The following FBXO34 variants were observed in gnomAD, a reference collection of about 807,000 sequenced individuals.
FBXO34 encodes F-box only protein 34.
FBXO34 carries 12 observed loss-of-function variants against 24.5 expected under a neutral mutation model. That is an observed-to-expected ratio of 0.49 (90% confidence interval 0.31 to 0.79). The LOEUF is 0.79. FBXO34 is among the 30% of genes least tolerant of loss of function. The probability of loss-of-function intolerance (pLI) is 0.04; values close to 1 mark genes in which losing one functional copy is unlikely to be tolerated. For synonymous variants in FBXO34, 320 were observed against 311.9 expected, an observed-to-expected ratio of 1.03 and a Z score of -0.27; for missense variants, 823 against 857.7, an observed-to-expected ratio of 0.96 and a Z score of 0.51.
At chr14:55,414,365 G>T in the FBXO34 span, 1 of 1,577,358 alleles carries the variant, frequency 6.3e-7, no homozygotes, top group Non-Finnish European at 8.6e-7. Context: ...AATGTGAGAT[G>T]CTGAATGATA....
At chr14:55,311,254 A>C (rs1882729299) in intron 1 of FBXO34, among the ~76,000 whole-genome samples, 1 of 152,216 alleles carries the variant, frequency 6.6e-6, no homozygotes, top group South Asian at 2.1e-4. Context: ...ATCTCGTGAT[A>C]ATTCATTCAC....
the FBXO34 span, chr14:55,440,346 G>A: frequency 6.2e-7 from 1 of 1,609,402 alleles, no homozygotes; most frequent in Admixed American, 1.7e-5. Flanking sequence ...CTTGGCACAG[G>A]ACCGGGCGGG....
chr14:55,346,908 C>T lies in FBXO34; in HGVS notation c.-10-3473C>T, dbSNP rs137962658. Reference sequence around the variant, plus strand: ...TTTTGTTGGGCAGTTCCACCTTACCCGTTAGTAGCCCAGCACCCCAGTCCA... The same window carrying T: ...TTTTGTTGGGCAGTTCCACCTTACCTGTTAGTAGCCCAGCACCCCAGTCCA... On this transcript the variant is annotated intron_variant, in intron 1 of 1. Coordinates refer to ENST00000313833, the MANE Select transcript of FBXO34 (RefSeq NM_017943.4). 1.2e-4 allele frequency among the ~76,000 whole-genome samples: 19 copies of T among 152,248 alleles called. No homozygotes were observed. The East Asian group carries it at 2.9e-3, about 23-fold the overall frequency.
intron 1 of FBXO34, 36 bp from the exon 2 acceptor site, chr14:55,350,345 T>C (rs369596478): frequency 1.5e-5 from 21 of 1,432,714 alleles, no homozygotes; most frequent in African/African-American, 2.9e-5. Flanking sequence ...AAAACAAAAT[T>C]GGTTTCTGAA....
downstream of FBXO34, among the ~76,000 whole-genome samples, chr14:55,371,032 C>T (rs1387514106): frequency 2.0e-5 from 3 of 152,282 alleles, no homozygotes; most frequent in South Asian, 2.1e-4. Flanking sequence ...TAGGCAGCCA[C>T]CCCCACCCAC....
intron 1 of FBXO34, among the ~76,000 whole-genome samples, chr14:55,316,724 CA>C (rs61450097): frequency 1.4e-3 from 176 of 127,218 alleles, no homozygotes; most frequent in South Asian, 3.3e-3. Context: ...AGGAACATCT[CA>C]AAAAAAAAAA....
the FBXO34 span, among the ~76,000 whole-genome samples, chr14:55,439,632 TA>T: frequency 1.6e-5 from 1 of 64,254 alleles, no homozygotes; most frequent in Non-Finnish European, 3.0e-5. Flanking sequence ...CCGTCTCTAC[TA>T]AAAAATACAA....
intron 1 of FBXO34, among the ~76,000 whole-genome samples, chr14:55,278,070 C>G (rs1881403306): frequency 6.6e-6 from 1 of 152,122 alleles, no homozygotes; most frequent in Admixed American, 6.5e-5. Context: ...CAGAAAGCCG[C>G]TACCAGAAGT....
chr14:55,423,302 T>G, the FBXO34 span, among the ~76,000 whole-genome samples: 4 of 152,252 alleles, frequency 2.6e-5, no homozygotes, highest in African/African-American at 7.2e-5. Flanking sequence ...TAAGACCATG[T>G]GATACAGAAC....
chr14:55,362,350 A>T (rs188476803), downstream of FBXO34, among the ~76,000 whole-genome samples: 1 of 152,332 alleles, frequency 6.6e-6, no homozygotes, highest in African/African-American at 2.4e-5. Context: ...ACCATAACAG[A>T]TATAATGAAG....
intron 1 of FBXO34, among the ~76,000 whole-genome samples, chr14:55,279,900 A>G (rs967178353): frequency 6.6e-6 from 1 of 152,218 alleles, no homozygotes; most frequent in Non-Finnish European, 1.5e-5. Flanking sequence ...ACTGAGTAGC[A>G]AATAGCATTA....
At chr14:55,382,018 C>T in the FBXO34 span, 4 of 1,614,160 alleles carry the variant, frequency 2.5e-6, no homozygotes, top group Non-Finnish European at 3.4e-6. Flanking sequence ...AGAGTAGTCC[C>T]CATTGTTAGG....
chr14:55,307,304 T>A (rs1032218735), intron 1 of FBXO34, among the ~76,000 whole-genome samples: 1 of 152,220 alleles, frequency 6.6e-6, no homozygotes, highest in African/African-American at 2.4e-5. Context: ...GTTTTTCTAG[T>A]CAACTAAAAT....
At chr14:55,371,574 C>T (rs182402934), downstream of FBXO34, among the ~76,000 whole-genome samples, 131 of 151,742 alleles carry the variant, frequency 8.6e-4, no homozygotes, top group Non-Finnish European at 1.8e-3. Flanking sequence ...TGGGAGGCTG[C>T]GGCGGGCAGA....
At chr14:55,287,915 A>G (rs1174087716) in intron 1 of FBXO34, among the ~76,000 whole-genome samples, 2 of 152,198 alleles carry the variant, frequency 1.3e-5, no homozygotes, top group African/African-American at 4.8e-5. Flanking sequence ...CTGTGTTAAC[A>G]ATGTCATCTT....
chr14:55,292,234 A>G (rs991222830), intron 1 of FBXO34, among the ~76,000 whole-genome samples: 7 of 152,120 alleles, frequency 4.6e-5, no homozygotes, highest in Non-Finnish European at 8.8e-5. Context: ...TTAAACTGTA[A>G]TTTTTTAAAT....
At chr14:55,394,826 T>A in the FBXO34 span, 1 of 304,704 alleles carries the variant, frequency 3.3e-6, no homozygotes, top group African/African-American at 2.2e-5. Context: ...ATATAAAAAC[T>A]AACCCCCCAA....
the FBXO34 span, chr14:55,428,662 A>T: frequency 1.2e-6 from 1 of 841,800 alleles, no homozygotes; most frequent in South Asian, 1.9e-5. Flanking sequence ...GAACTCAGGC[A>T]TAGCATCTTA....
chr14:55,344,242 G>T (rs1884084872), intron 1 of FBXO34, among the ~76,000 whole-genome samples: 1 of 151,814 alleles, frequency 6.6e-6, no homozygotes, highest in African/African-American at 2.4e-5. Flanking sequence ...TCACAGCAGG[G>T]TCACCAGGGG....
Sources: gnomAD v4.1 joint callset for allele counts (sites outside exome capture counted in the v4.1 genomes callset) on GRCh38, gnomAD v4.1.1 for gene constraint, MANE v1.5 for transcripts, NCBI Gene and HGNC (gene_info 2026-07-23, HGNC 2026-07-21) for gene names.